The following HIVEP1 variants were observed in gnomAD, a reference collection of about 807,000 sequenced individuals.
HIVEP1 encodes the protein zinc finger protein 40.
A neutral mutation model predicts 180.0 loss-of-function variants in HIVEP1; 36 were observed. The observed-to-expected ratio is 0.20, with a 90% CI of 0.15 to 0.26. The LOEUF is 0.26. HIVEP1 is among the 10% of genes least tolerant of loss of function. HIVEP1 has a pLI of 1.00. For synonymous variants in HIVEP1, 1,239 were observed against 1,239.0 expected (o/e 1.00, Z 0.00); for missense variants, 3,143 against 3,268.7 (o/e 0.96, Z 0.94).
chr6:12,090,836 T>G lies in HIVEP1; in HGVS notation c.94+1599T>G, dbSNP rs896387316. Among the ~76,000 whole-genome samples, 7 of 151,632 alleles carry G rather than the reference T, an allele frequency of 4.6e-5. No individual in the cohort carries two copies. The South Asian group carries it at 1.5e-3, about 32-fold the overall frequency. On this transcript the variant is annotated intron_variant, in intron 3 of 8. Coordinates refer to ENST00000379388, the MANE Select transcript of HIVEP1 (RefSeq NM_002114.4). Reference sequence around the variant, plus strand: ...TGTCTTCCTTTTCCTTGTTACTTCTTTGGCAAGAGTTTTCAGAACAGTGAA... The same window carrying G: ...TGTCTTCCTTTTCCTTGTTACTTCTGTGGCAAGAGTTTTCAGAACAGTGAA...
chr6:12,192,249 A>ACG, the HIVEP1 span, among the ~76,000 whole-genome samples: 1 of 151,526 alleles, frequency 6.6e-6, no homozygotes, highest in African/African-American at 2.4e-5. Flanking sequence ...TTTCATAGAA[A>ACG]TGTGTGTGTG....
At chr6:12,193,566 A>G in the HIVEP1 span, among the ~76,000 whole-genome samples, 2 of 152,210 alleles carry the variant, frequency 1.3e-5, no homozygotes. Context: ...ATGGCTCCCA[A>G]TTGTTCTTTC....
chr6:12,178,048 T>C, the HIVEP1 span, among the ~76,000 whole-genome samples: 1 of 152,332 alleles, frequency 6.6e-6, no homozygotes, highest in East Asian at 1.9e-4. Context: ...GCTATCTTTA[T>C]GACATTGAGA....
downstream of HIVEP1, chr6:12,165,027 A>G (rs1463361134): frequency 6.8e-6 from 3 of 438,882 alleles, no homozygotes; most frequent in Non-Finnish European, 1.3e-5. Context: ...CCTTCTTTAT[A>G]TCATCCAGTG....
chr6:12,121,730 G>A lies in HIVEP1; in HGVS notation c.1935G>A (p.Gln645=), dbSNP rs775871857. ...CTCACGTAGGAACGGTACACGCCCAGCTACAAAGGCAGCAGGCTACCGATT... is the reference window on the plus strand; with the variant it reads ...CTCACGTAGGAACGGTACACGCCCAACTACAAAGGCAGCAGGCTACCGATT... ...QDSHVGTVHA[Q]LQRQQATDYS... is the part of the protein sequence containing the mutation. The change falls in exon 4 of 9, where the codon CAG becomes CAA. Residue 645 remains glutamine, a synonymous_variant. Coordinates refer to ENST00000379388, the MANE Select transcript of HIVEP1 (RefSeq NM_002114.4). The surrounding 1 kb of genome is among the most constrained non-coding windows in gnomAD (Gnocchi z 5.3). 1 of 1,614,166 alleles carries A rather than the reference G, an allele frequency of 6.2e-7. No individual in the cohort carries two copies. The highest frequency in any genetic ancestry group is 8.5e-7 in the Non-Finnish European group (1 of 1,180,036).
downstream of HIVEP1, among the ~76,000 whole-genome samples, chr6:12,167,731 T>G (rs1434407668): frequency 1.4e-4 from 11 of 78,432 alleles, no homozygotes; most frequent in African/African-American, 3.4e-4. Flanking sequence ...TATACATATA[T>G]ACATGTGTAT....
upstream of HIVEP1, chr6:12,008,874 G>C (rs1323991530): frequency 6.6e-6 from 1 of 152,258 alleles, no homozygotes; most frequent in Non-Finnish European, 1.5e-5. Context: ...GTTGCAGTTC[G>C]GGTAAGTTTT....
At chr6:12,117,152 C>T (rs1213792682) in intron 3 of HIVEP1, among the ~76,000 whole-genome samples, 3 of 151,980 alleles carry the variant, frequency 2.0e-5, no homozygotes, top group African/African-American at 2.4e-5. Flanking sequence ...GACCAGAAAA[C>T]GTATATGAAG....
At chr6:12,157,183 G>T (rs1562009638) in intron 7 of HIVEP1, among the ~76,000 whole-genome samples, 1 of 151,968 alleles carries the variant, frequency 6.6e-6, no homozygotes, top group Non-Finnish European at 1.5e-5. Flanking sequence ...TTTATTTTCA[G>T]CCTACTTATG....
Position 12,124,198 on chromosome 6 carries a change from A to G in HIVEP1, c.4403A>G (p.Gln1468Arg), listed in dbSNP as rs775655776. 18 of 1,614,120 alleles carry G rather than the reference A, an allele frequency of 1.1e-5. No individual in the cohort carries two copies. The South Asian group carries it at 1.8e-4, about 16-fold the overall frequency. ...AATGCAGTGCCATATCAGGGGCCTCAGCTCACTAGTACATCTTTAGCTGAG... is the reference window on the plus strand; with the variant it reads ...AATGCAGTGCCATATCAGGGGCCTCGGCTCACTAGTACATCTTTAGCTGAG... ...SVNAVPYQGP[Q>R]LTSTSLAEFS... The change falls in exon 4 of 9, where the codon CAG (glutamine) becomes CGG (arginine). Residue 1468 changes from glutamine to arginine, a missense_variant. Gln to Arg is a conservative substitution (Grantham distance 43). Transcript: ENST00000379388.
At chr6:12,183,608 T>C in the HIVEP1 span, among the ~76,000 whole-genome samples, 3 of 152,220 alleles carry the variant, frequency 2.0e-5, no homozygotes, top group African/African-American at 4.8e-5. Flanking sequence ...TGATTTCTCA[T>C]CTTTTTGCCA....
chr6:12,148,331 GA>G (rs1229073329), intron 7 of HIVEP1, among the ~76,000 whole-genome samples: 4 of 152,184 alleles, frequency 2.6e-5, no homozygotes, highest in Non-Finnish European at 5.9e-5. Flanking sequence ...CATCATAGGG[GA>G]TACCTGCCCC....
intron 2 of HIVEP1, among the ~76,000 whole-genome samples, chr6:12,076,617 G>T (rs1161803896): frequency 6.6e-6 from 1 of 152,192 alleles, no homozygotes; most frequent in Non-Finnish European, 1.5e-5. Context: ...AAGAGCGGAA[G>T]AGAGTAAACC....
intron 2 of HIVEP1, among the ~76,000 whole-genome samples, chr6:12,050,005 C>T (rs1423961094): frequency 1.3e-5 from 2 of 152,094 alleles, no homozygotes; most frequent in East Asian, 1.9e-4. Context: ...CATATATATC[C>T]GGAGGTGCTC....
chr6:12,126,962 A>G (rs1758110338), intron 4 of HIVEP1, among the ~76,000 whole-genome samples: 1 of 152,048 alleles, frequency 6.6e-6, no homozygotes, highest in Non-Finnish European at 1.5e-5. Context: ...GGTTCAAGCA[A>G]CCCTCCTGTC....
At chr6:12,020,252 C>T (rs1768096038) in intron 2 of HIVEP1, 1 of 460,676 alleles carries the variant, frequency 2.2e-6, no homozygotes, top group African/African-American at 2.0e-5. Context: ...CTGCAGGAAA[C>T]GTGGTGGGTG....
At chr6:12,032,924 C>T (rs1444579732) in intron 2 of HIVEP1, among the ~76,000 whole-genome samples, 1 of 152,212 alleles carries the variant, frequency 6.6e-6, no homozygotes, top group Non-Finnish European at 1.5e-5. Context: ...AATTTCCCAA[C>T]ATTTCATAGT....
intron 2 of HIVEP1, among the ~76,000 whole-genome samples, chr6:12,085,575 A>G (rs1773067149): frequency 6.6e-6 from 1 of 152,178 alleles, no homozygotes; most frequent in African/African-American, 2.4e-5. Context: ...AACTGTTCAC[A>G]TTAGACCTGA....
intron 2 of HIVEP1, among the ~76,000 whole-genome samples, chr6:12,052,811 A>G (rs2113723747): frequency 6.6e-6 from 1 of 152,328 alleles, no homozygotes; most frequent in East Asian, 1.9e-4. Flanking sequence ...TTCTAATTTC[A>G]CCAGATTAAG....
Sources: allele counts gnomAD v4.1 joint callset (sites outside exome capture counted in the v4.1 genomes callset), GRCh38; gene constraint gnomAD v4.1.1; non-coding constraint Gnocchi (gnomAD v3.1); transcripts MANE v1.5; gene names NCBI Gene and HGNC (gene_info 2026-07-23, HGNC 2026-07-21).